The following USH2A variants were observed in gnomAD, a reference collection of about 807,000 sequenced individuals.
USH2A encodes the protein usherin.
USH2A carries 443 observed loss-of-function variants against 538.9 expected under a neutral mutation model. That is an observed-to-expected ratio of 0.82 (90% CI 0.76 to 0.89). The LOEUF (loss-of-function observed/expected upper bound fraction) is 0.89, where lower values mean the gene tolerates loss of function less well. USH2A is among the 40% of genes least tolerant of loss of function. The probability of loss-of-function intolerance (pLI) is 0.00; values close to 1 mark genes in which losing one functional copy is unlikely to be tolerated. For synonymous variants in USH2A, 2,413 were observed against 2,273.5 expected (o/e 1.06, Z -1.75); for missense variants, 6,633 against 6,324.8 (o/e 1.05, Z -1.65).
chr1:215,987,537 A>G (rs949720623), intron 35 of USH2A, among the ~76,000 whole-genome samples: 1 of 152,146 alleles, frequency 6.6e-6, no homozygotes, highest in African/African-American at 2.4e-5. Context: ...TCACACCATC[A>G]TTTTTGCAGG....
intron 9 of USH2A, among the ~76,000 whole-genome samples, chr1:216,319,863 G>A (rs2037573751): frequency 6.6e-6 from 1 of 152,116 alleles, no homozygotes; most frequent in African/African-American, 2.4e-5. Context: ...TTTTTAAAAA[G>A]CAAGATGCTC....
At chr1:215,964,457 T>G (rs1266708090) in intron 37 of USH2A, among the ~76,000 whole-genome samples, 1 of 152,210 alleles carries the variant, frequency 6.6e-6, no homozygotes, top group Non-Finnish European at 1.5e-5. Flanking sequence ...GTTTTTACAC[T>G]TGGAGGATGT....
chr1:216,259,536 G>A (rs988079786), intron 11 of USH2A, among the ~76,000 whole-genome samples: 12 of 151,974 alleles, frequency 7.9e-5, no homozygotes, highest in Non-Finnish European at 8.8e-5. Flanking sequence ...TAAGTATATT[G>A]TACACATTCT....
intron 13 of USH2A, among the ~76,000 whole-genome samples, chr1:216,237,997 C>A (rs1434575700): frequency 6.6e-6 from 1 of 152,110 alleles, no homozygotes; most frequent in Non-Finnish European, 1.5e-5. Context: ...AATTGGATAT[C>A]AACTTTGATG....
chr1:215,630,140 T>G (rs757310893), intron 70 of USH2A: 2 of 516,002 alleles, frequency 3.9e-6, no homozygotes, highest in Non-Finnish European at 7.7e-6. Flanking sequence ...CACTGTGCAG[T>G]CAACACACCA....
At chr1:215,908,745 G>A (rs1237156714) in intron 38 of USH2A, among the ~76,000 whole-genome samples, 1 of 151,774 alleles carries the variant, frequency 6.6e-6, no homozygotes, top group Non-Finnish European at 1.5e-5. Flanking sequence ...TATTTTTATA[G>A]ATGTGGAACA....
chr1:215,686,142 C>A (rs892618339), intron 61 of USH2A, among the ~76,000 whole-genome samples: 20 of 152,134 alleles, frequency 1.3e-4, no homozygotes, highest in African/African-American at 4.6e-4. Flanking sequence ...ATGCAAAAGA[C>A]TCTATAAAAT....
intron 32 of USH2A, among the ~76,000 whole-genome samples, chr1:216,022,346 G>A (rs745726508): frequency 1.6e-4 from 24 of 152,114 alleles, no homozygotes; most frequent in Non-Finnish European, 2.1e-4. Flanking sequence ...ACACCTCTGG[G>A]TGTGCTGTTA....
At chr1:216,000,856 T>C (rs1008356089) in intron 32 of USH2A, among the ~76,000 whole-genome samples, 4 of 152,198 alleles carry the variant, frequency 2.6e-5, no homozygotes, top group African/African-American at 9.7e-5. Context: ...CTAAGTTTAG[T>C]CTTAGTTCAA....
chr1:216,289,869 A>T (rs1301191090), intron 10 of USH2A, among the ~76,000 whole-genome samples: 1 of 152,182 alleles, frequency 6.6e-6, no homozygotes, highest in Non-Finnish European at 1.5e-5. Flanking sequence ...TTCTCTTAAT[A>T]TAATTTATTA....
intron 14 of USH2A, among the ~76,000 whole-genome samples, chr1:216,219,997 T>G (rs2035424040): frequency 6.6e-6 from 1 of 152,164 alleles, no homozygotes; most frequent in Non-Finnish European, 1.5e-5. Flanking sequence ...ACATCACAAA[T>G]TTCATATACC....
chr1:216,337,235 T>C (rs1269026525), intron 4 of USH2A, among the ~76,000 whole-genome samples: 1 of 151,382 alleles, frequency 6.6e-6, no homozygotes, highest in Non-Finnish European at 1.5e-5. Flanking sequence ...TCTGTGTGCT[T>C]TATGTATATT....
chr1:215,748,036 C>T (rs1385804022), intron 58 of USH2A, among the ~76,000 whole-genome samples: 1 of 151,928 alleles, frequency 6.6e-6, no homozygotes, highest in Non-Finnish European at 1.5e-5. Context: ...GGACTACAGG[C>T]GCCCGCCACC....
chr1:215,680,461 G>C, intron 61 of USH2A, 85 bp from the exon 62 acceptor site: 1 of 1,385,488 alleles, frequency 7.2e-7, no homozygotes, highest in Non-Finnish European at 1.0e-6. Flanking sequence ...TGAACCTCAT[G>C]GCCAAAGCTT....
chr1:216,389,151 A>G (rs1175593483), intron 3 of USH2A, among the ~76,000 whole-genome samples: 1 of 152,186 alleles, frequency 6.6e-6, no homozygotes, highest in African/African-American at 2.4e-5. Flanking sequence ...AAATCTATAA[A>G]TGCTAAGTTT....
intron 30 of USH2A, among the ~76,000 whole-genome samples, chr1:216,069,618 A>G (rs1321805528): frequency 6.6e-6 from 1 of 152,178 alleles, no homozygotes; most frequent in African/African-American, 2.4e-5. Context: ...ATGGCACACC[A>G]CACTGTGAGA....
intron 50 of USH2A, among the ~76,000 whole-genome samples, chr1:215,791,813 T>A (rs1468590544): frequency 6.6e-6 from 1 of 152,224 alleles, no homozygotes; most frequent in African/African-American, 2.4e-5. Context: ...CATATTTATG[T>A]GTGTGTAGCT....
chr1:216,417,874 T>G (rs1455487006), intron 3 of USH2A, among the ~76,000 whole-genome samples: 1 of 152,120 alleles, frequency 6.6e-6, no homozygotes, highest in Non-Finnish European at 1.5e-5. Flanking sequence ...TTTAACTGTA[T>G]TGGGCCATTC....
chr1:216,003,454 T>C (rs550538005), intron 32 of USH2A, among the ~76,000 whole-genome samples: 1 of 152,170 alleles, frequency 6.6e-6, no homozygotes, highest in South Asian at 2.1e-4. Flanking sequence ...GTAATTTTAA[T>C]AGTTAAGAGT....
Sources: gnomAD v4.1 joint callset for allele counts (sites outside exome capture counted in the v4.1 genomes callset) on GRCh38, gnomAD v4.1.1 for gene constraint, MANE v1.5 for transcripts, NCBI Gene and HGNC (gene_info 2026-07-23, HGNC 2026-07-21) for gene names.